RASA3: variants seen among roughly 807,000 people sequenced by gnomAD.
RASA3 encodes the protein RAS p21 protein activator 3, also known as ras GTPase-activating protein 3.
Under a neutral mutation model 110.0 loss-of-function variants are expected in RASA3, and 73 were observed. That is an observed-to-expected ratio of 0.66 (90% CI 0.55 to 0.81). RASA3 has a LOEUF of 0.81. Ranked by LOEUF, RASA3 falls within the 30% of genes least tolerant of loss-of-function variation. The pLI is 0.00. For synonymous variants in RASA3, 500 were observed against 451.4 expected, an observed-to-expected ratio of 1.11 and a Z score of -1.37; for missense variants, 976 against 1,113.2, an observed-to-expected ratio of 0.88 and a Z score of 1.75.
intron 1 of RASA3, among the ~76,000 whole-genome samples, chr13:114,117,159 GTGCACGTGTGTGACAGA>G (rs1191658686): frequency 1.6e-5 from 2 of 122,990 alleles, no homozygotes; most frequent in South Asian, 3.0e-4. Flanking sequence ...TGTGTGAGGG[GTGCACGTGTGTGACAGA>G]TGCATGTGTG....
At chr13:114,082,820 A>C (rs2079804921) in intron 1 of RASA3, among the ~76,000 whole-genome samples, 1 of 152,224 alleles carries the variant, frequency 6.6e-6, no homozygotes, top group African/African-American at 2.4e-5. Flanking sequence ...CACGAGCTCA[A>C]CTAGGTTAAG....
chr13:114,104,801 G>C (rs180867893), intron 1 of RASA3, among the ~76,000 whole-genome samples: 26 of 152,116 alleles, frequency 1.7e-4, no homozygotes, highest in African/African-American at 5.1e-4. Context: ...TGTTCTGGAG[G>C]GGGGGCTACC....
intron 2 of RASA3, among the ~76,000 whole-genome samples, chr13:114,062,481 C>T (rs1351882163): frequency 6.6e-6 from 1 of 152,178 alleles, no homozygotes; most frequent in South Asian, 2.1e-4. Flanking sequence ...GTTCCTCCGA[C>T]GTTCAACACA....
Position 114,110,003 on chromosome 13 carries a change from C to T in RASA3, c.55+22432G>A, listed in dbSNP as rs538942924. On this transcript the variant is annotated intron_variant, in intron 1 of 23. Coordinates refer to ENST00000334062, the MANE Select transcript of RASA3 (RefSeq NM_007368.4). ...CACCCTCAGGGCAACGAGCGTCTGG[C>T]GGAGCCCAGTGAGAGCCGTGAAACA... is the stretch of plus-strand genomic sequence containing the variant. Among the ~76,000 whole-genome samples, 12 of 152,346 alleles carry T rather than the reference C, an allele frequency of 7.9e-5. No homozygotes were observed. In the South Asian group the frequency reaches 1.9e-3, roughly 24 times the overall value.
chr13:114,037,905 C>A (rs187272538), intron 4 of RASA3, among the ~76,000 whole-genome samples: 1 of 151,348 alleles, frequency 6.6e-6, no homozygotes, highest in African/African-American at 2.4e-5. Context: ...GGAGCACGGC[C>A]GTCCGTTCGG....
At position 114,000,343 on chromosome 13, in the gene RASA3, C is replaced by T. The variant is rs116552944; in HGVS notation, c.1849+483G>A. Reference sequence around the variant, plus strand: ...CCCAGGCTGGGCCCAATGCTCGCATCCTCACAGCTGCCGTGGCCTCAGGCT... The same window carrying T: ...CCCAGGCTGGGCCCAATGCTCGCATTCTCACAGCTGCCGTGGCCTCAGGCT... On this transcript the variant is annotated intron_variant, in intron 19 of 23. Coordinates refer to ENST00000334062, the MANE Select transcript of RASA3 (RefSeq NM_007368.4). 4.5e-3 allele frequency among the ~76,000 whole-genome samples: 684 copies of T among 152,230 alleles called. 4 individuals carry two copies. Among genetic ancestry groups the T allele is most frequent in the African/African-American group, 0.015 (640 of 41,538 alleles).
intron 13 of RASA3, 101 bp downstream of exon 13, chr13:114,016,096 C>G: frequency 9.2e-7 from 1 of 1,084,218 alleles, no homozygotes; most frequent in South Asian, 1.3e-5. Flanking sequence ...CTGCTCCCAC[C>G]CCAACCGGGG....
intron 2 of RASA3, among the ~76,000 whole-genome samples, chr13:114,070,200 G>C (rs1332636728): frequency 9.0e-6 from 1 of 111,620 alleles, no homozygotes; most frequent in African/African-American, 3.4e-5. Context: ...GGGGCTGGGA[G>C]ACTGGGGGGT....
At chr13:114,034,851 G>A (rs1159008226) in intron 4 of RASA3, among the ~76,000 whole-genome samples, 2 of 152,234 alleles carry the variant, frequency 1.3e-5, no homozygotes, top group East Asian at 3.8e-4. Context: ...AGGGGAATCT[G>A]GAGTGCCGGC....
intron 17 of RASA3, 29 bp downstream of exon 17, chr13:114,009,358 G>C (rs183773993): frequency 1.9e-6 from 3 of 1,556,418 alleles, no homozygotes; most frequent in South Asian, 2.2e-5. Context: ...CACGGCACAC[G>C]GGCGGTCGGA....
rs2080165232 is a variant in RASA3 at position 114,108,280 on chromosome 13, ATCCCCG to A, written c.55+24149_55+24154del. Among the ~76,000 whole-genome samples, 28 of 28,170 alleles carry A rather than the reference ATCCCCG, an allele frequency of 9.9e-4. No homozygotes were observed. In the South Asian group the frequency reaches 0.036, roughly 36 times the overall value. The allele number at this position is 28,170 out of a possible 152,430, so 18.5% of individuals were successfully genotyped here. A position where few individuals can be genotyped will look rare whatever the true frequency, so the allele number is the denominator to read the frequency against. ...CTGCATCCGTCACCCCGTGTCTGTC[ATCCCCG>A]TCCGTCACCCCATGTCTGTCACCCT... On this transcript the variant is annotated intron_variant, in intron 1 of 23. Transcript: ENST00000334062.
In RASA3 at chr13:113,978,541, C is replaced by CG. The variant is rs1445404539; in HGVS notation, c.*805dup. On this transcript the variant is annotated 3_prime_UTR_variant, in exon 24 of 24. Transcript: ENST00000334062. Reference sequence around the variant, plus strand: ...TATTTTTAAAATCTTCAAACTTCCACGGGGGGTGGCAAATGTTAATTCTGA... The same window carrying CG: ...TATTTTTAAAATCTTCAAACTTCCACGGGGGGGTGGCAAATGTTAATTCTGA... The CG allele has an allele frequency of 1.3e-5, 2 of 152,342 alleles. No homozygotes were observed. Among genetic ancestry groups the CG allele is most frequent in the East Asian group, 1.9e-4 (1 of 5,186 alleles). The allele number at this position is 152,342 out of a possible 1,614,324, so 9.4% of individuals were successfully genotyped here.
At chr13:114,019,536 AG>A (rs1480842307) in intron 9 of RASA3, among the ~76,000 whole-genome samples, 4 of 149,932 alleles carry the variant, frequency 2.7e-5, no homozygotes, top group African/African-American at 9.9e-5. Context: ...CCTGTATCCA[AG>A]GCATTAGCCC....
chr13:114,019,855 G>C (rs1344909899), intron 9 of RASA3, among the ~76,000 whole-genome samples: 1 of 76,782 alleles, frequency 1.3e-5, no homozygotes, highest in Non-Finnish European at 2.5e-5. Context: ...GCCTGTGTCC[G>C]AGGCATTAGC....
At chr13:114,123,092 A>G (rs9314898) in intron 1 of RASA3, among the ~76,000 whole-genome samples, 112,721 of 152,118 alleles carry the variant, frequency 0.74, 41,895 homozygotes, top group East Asian at 0.86. Context: ...TGCTGCCGGC[A>G]TGGCTTTGGG....
chr13:114,050,250 T>C (rs1276587086), intron 3 of RASA3, among the ~76,000 whole-genome samples: 2 of 152,148 alleles, frequency 1.3e-5, no homozygotes, highest in Non-Finnish European at 1.5e-5. Flanking sequence ...CAAGGCTCCA[T>C]GAAGCCCAGC....
At chr13:114,007,981 G>A (rs9562138) in intron 17 of RASA3, among the ~76,000 whole-genome samples, 25,545 of 91,896 alleles carry the variant, frequency 0.28, 4,859 homozygotes, top group Middle Eastern at 0.35. Flanking sequence ...CCCACGCACC[G>A]CGTTCCTGAC....
At chr13:114,006,093 G>A (rs368454977) in intron 18 of RASA3, among the ~76,000 whole-genome samples, 4 of 4,376 alleles carry the variant, frequency 9.1e-4, no homozygotes, top group African/African-American at 6.8e-3. Context: ...CCTGCCGGAC[G>A]CCACCTTACC....
intron 3 of RASA3, among the ~76,000 whole-genome samples, chr13:114,051,683 G>A (rs1411048603): frequency 6.6e-6 from 1 of 151,086 alleles, no homozygotes; most frequent in African/African-American, 2.4e-5. Flanking sequence ...GTTGGGACAG[G>A]GACAGCCAAG....
Sources: gnomAD v4.1 joint callset for allele counts (sites outside exome capture counted in the v4.1 genomes callset) on GRCh38, gnomAD v4.1.1 for gene constraint, MANE v1.5 for transcripts, NCBI Gene and HGNC (gene_info 2026-07-23, HGNC 2026-07-21) for gene names.